LOXHD1: variants seen among roughly 807,000 people sequenced by gnomAD.
LOXHD1 encodes lipoxygenase homology domain-containing protein 1.
In LOXHD1, 205 loss-of-function variants were observed where a neutral mutation model predicts 248.2. The ratio of observed to expected loss-of-function variants is 0.83; its 90% confidence interval spans 0.74 to 0.93. The LOEUF is 0.93. LOXHD1 is among the 40% of genes least tolerant of loss of function. The pLI is 0.00. For missense variants in LOXHD1, 2,930 were observed against 2,971.6 expected, an observed-to-expected ratio of 0.99 and a Z score of 0.33; for synonymous variants, 1,113 against 1,162.8, an observed-to-expected ratio of 0.96 and a Z score of 0.87.
chr18:46,642,752 A>G (rs1349337367), intron 2 of LOXHD1, among the ~76,000 whole-genome samples: 1 of 152,220 alleles, frequency 6.6e-6, no homozygotes, highest in Non-Finnish European at 1.5e-5. Flanking sequence ...GCCTCGCCAC[A>G]GAATCCTCTG....
chr18:46,508,515 G>A (rs1568112707), intron 35 of LOXHD1, among the ~76,000 whole-genome samples: 1 of 152,144 alleles, frequency 6.6e-6, no homozygotes, highest in Non-Finnish European at 1.5e-5. Flanking sequence ...GCCTTCAGAG[G>A]GAGTGTGGCC....
chr18:46,494,376 T>C (rs758279481), intron 37 of LOXHD1, among the ~76,000 whole-genome samples: 3 of 152,216 alleles, frequency 2.0e-5, no homozygotes, highest in Non-Finnish European at 4.4e-5. Flanking sequence ...CTAAAAATTC[T>C]TCTCAGGTAG....
At chr18:46,542,879 T>C in intron 23 of LOXHD1, 24 bp from the exon 24 acceptor site, 1 of 1,551,728 alleles carries the variant, frequency 6.4e-7, no homozygotes, top group Non-Finnish European at 8.7e-7. Flanking sequence ...GACCCCAGCA[T>C]GACTGGCTGG....
chr18:46,594,218 G>C (rs2038222074), intron 9 of LOXHD1, 113 bp downstream of exon 9: 3 of 1,357,230 alleles, frequency 2.2e-6, no homozygotes, highest in Admixed American at 2.2e-5. Context: ...TTCTGGAGGA[G>C]ACTTGAGAAG....
chr18:46,480,795 A>T (rs2032496167), intron 40 of LOXHD1, among the ~76,000 whole-genome samples: 1 of 152,208 alleles, frequency 6.6e-6, no homozygotes, highest in Non-Finnish European at 1.5e-5. Context: ...AATGCTCATC[A>T]TGGTGGCCAC....
At chr18:46,539,287 C>T (rs1157240200) in intron 25 of LOXHD1, among the ~76,000 whole-genome samples, 1 of 152,104 alleles carries the variant, frequency 6.6e-6, no homozygotes, top group African/African-American at 2.4e-5. Flanking sequence ...ATGGCAAAAC[C>T]CTGTTTCTAC....
chr18:46,617,125 A>G (rs2144325689), intron 5 of LOXHD1, among the ~76,000 whole-genome samples: 1 of 152,306 alleles, frequency 6.6e-6, no homozygotes, highest in South Asian at 2.1e-4. Flanking sequence ...AATTTTCTGT[A>G]CTTGAGGGAG....
At chr18:46,484,845 T>A (rs2032902353) in intron 39 of LOXHD1, among the ~76,000 whole-genome samples, 174 bp downstream of exon 39, 1 of 152,124 alleles carries the variant, frequency 6.6e-6, no homozygotes, top group Admixed American at 6.5e-5. Context: ...CCTTTCACCA[T>A]TGCCTGTTTA....
chr18:46,610,598 C>T lies in LOXHD1; in HGVS notation c.759+178G>A, dbSNP rs372900958. On this transcript the variant is annotated intron_variant, in intron 6 of 40. Coordinates refer to ENST00000642948, the MANE Select transcript of LOXHD1 (RefSeq NM_001384474.1). Reference sequence around the variant, plus strand: ...ACTGGACTTCCTGTGAAGATGGTAACGTGGATGAAGTCTTGGAGGCCATAA... The same window carrying T: ...ACTGGACTTCCTGTGAAGATGGTAATGTGGATGAAGTCTTGGAGGCCATAA... 6.6e-5 allele frequency among the ~76,000 whole-genome samples: 10 copies of T among 152,160 alleles called. No homozygotes were observed. The East Asian group carries it at 1.2e-3, about 18-fold the overall frequency.
chr18:46,638,915 C>G (rs1319999755), intron 4 of LOXHD1, among the ~76,000 whole-genome samples: 1 of 152,136 alleles, frequency 6.6e-6, no homozygotes, highest in Non-Finnish European at 1.5e-5. Context: ...AGTCCCTTCC[C>G]CTCTCATGGT....
At position 46,560,071 on chromosome 18, in the gene LOXHD1, C is replaced by T. The variant is rs779835047; in HGVS notation, c.3061+12G>A. 11 of 1,464,740 alleles carry T rather than the reference C, an allele frequency of 7.5e-6. No homozygotes were observed. Among genetic ancestry groups the T allele is most frequent in the African/African-American group, 3.0e-5 (2 of 66,994 alleles). 90.7% of individuals were successfully genotyped at this position (1,464,740 alleles called of 1,614,324 possible). On this transcript the variant is annotated intron_variant, in intron 19 of 40. Transcript: ENST00000642948. ...ACTCCCTCCCCACCCCCACCCCCCA[C>T]GACCCACTTACGCTCAGGACCCGGC... is the stretch of plus-strand genomic sequence containing the variant.
intron 4 of LOXHD1, among the ~76,000 whole-genome samples, chr18:46,634,564 G>A (rs1457528433): frequency 1.3e-5 from 2 of 152,114 alleles, no homozygotes; most frequent in Non-Finnish European, 2.9e-5. Context: ...CATGTATAAG[G>A]TACATATGAA....
chr18:46,628,798 T>C (rs2038780773), intron 4 of LOXHD1, among the ~76,000 whole-genome samples: 1 of 152,228 alleles, frequency 6.6e-6, no homozygotes. Context: ...CTAAGTCCTG[T>C]ATGCTCATTT....
At chr18:46,510,680 G>A (rs2034906924) in intron 34 of LOXHD1, among the ~76,000 whole-genome samples, 1 of 152,162 alleles carries the variant, frequency 6.6e-6, no homozygotes, top group South Asian at 2.1e-4. Flanking sequence ...TAAAAACAGA[G>A]GCCATAGCTG....
chr18:46,559,180 A>C (rs1463945445), intron 20 of LOXHD1: 1 of 1,436,568 alleles, frequency 7.0e-7, no homozygotes, highest in Admixed American at 2.1e-5. Context: ...CAAGTGCCTC[A>C]GCATCTGCCA....
intron 20 of LOXHD1, among the ~76,000 whole-genome samples, 198 bp from the exon 21 acceptor site, chr18:46,557,687 T>TG (rs2037399351): frequency 6.6e-6 from 1 of 152,184 alleles, no homozygotes; most frequent in Non-Finnish European, 1.5e-5. Context: ...AACTTGTCCC[T>TG]GCCAGGAGAT....
intron 4 of LOXHD1, among the ~76,000 whole-genome samples, chr18:46,638,672 A>G (rs1599068175): frequency 1.3e-5 from 2 of 152,164 alleles, no homozygotes; most frequent in Non-Finnish European, 2.9e-5. Flanking sequence ...TAAAATAATC[A>G]ATGAAGTTGT....
chr18:46,589,006 G>C (rs1391886255), intron 12 of LOXHD1, among the ~76,000 whole-genome samples: 1 of 152,214 alleles, frequency 6.6e-6, no homozygotes, highest in Admixed American at 6.5e-5. Flanking sequence ...TTAAGTGGCA[G>C]GGAAGGGCTG....
Position 46,485,095 on chromosome 18 carries a change from G to A in LOXHD1, c.6106C>T (p.Leu2036Phe). The change falls in exon 39 of 41, where the codon CTC (leucine) becomes TTC (phenylalanine). Residue 2036 changes from leucine (L) to phenylalanine (F), a missense_variant. Coordinates refer to ENST00000642948, the MANE Select transcript of LOXHD1 (RefSeq NM_001384474.1). ...NGGETRENVWLILEGRKNRSK... is the reference protein window; with the variant it reads ...NGGETRENVWFILEGRKNRSK... ...CGGTTCTTCCTGCCCTCCAGGATGA[G>A]CCAGACGTTCTCCCTGGTTTCGCCT... The A allele has an allele frequency of 6.5e-7, 1 of 1,550,382 alleles. No homozygotes were observed. Among genetic ancestry groups the A allele is most frequent in the Non-Finnish European group, 8.7e-7 (1 of 1,146,658 alleles).
Sources: gnomAD v4.1 joint callset for allele counts (sites outside exome capture counted in the v4.1 genomes callset) on GRCh38, gnomAD v4.1.1 for gene constraint, MANE v1.5 for transcripts, NCBI Gene and HGNC (gene_info 2026-07-23, HGNC 2026-07-21) for gene names.